The following PCCA variants were observed in gnomAD, a reference collection of about 807,000 sequenced individuals.
PCCA encodes the protein propionyl-CoA carboxylase subunit alpha.
Under a neutral mutation model 101.3 loss-of-function variants are expected in PCCA, and 74 were observed. The observed-to-expected ratio is 0.73, with a 90% CI of 0.61 to 0.89. The LOEUF (loss-of-function observed/expected upper bound fraction) is 0.89. Ranked by LOEUF, PCCA falls within the 40% of genes least tolerant of loss-of-function variation. The pLI, the probability that PCCA is intolerant of heterozygous loss-of-function variation, is 0.00. For missense variants in PCCA, 891 were observed against 907.0 expected (o/e 0.98, Z 0.23); for synonymous variants, 294 against 313.6 (o/e 0.94, Z 0.66).
chr13:100,240,151 A>G (rs1342651683), intron 8 of PCCA, among the ~76,000 whole-genome samples: 2 of 152,162 alleles, frequency 1.3e-5, no homozygotes, highest in African/African-American at 4.8e-5. Context: ...GAACAAGGAT[A>G]TATTTCATCT....
At chr13:100,264,058 TATAC>T in intron 10 of PCCA, among the ~76,000 whole-genome samples, 1 of 146,904 alleles carries the variant, frequency 6.8e-6, no homozygotes, top group Non-Finnish European at 1.5e-5. Flanking sequence ...ATATCGTATA[TATAC>T]GGTATCTGTA....
At chr13:100,191,019 C>T (rs891212882) in intron 6 of PCCA, among the ~76,000 whole-genome samples, 3 of 151,914 alleles carry the variant, frequency 2.0e-5, no homozygotes, top group Non-Finnish European at 4.4e-5. Flanking sequence ...ATGGCTTGAG[C>T]CCTAGGTGTC....
chr13:100,373,695 G>T (rs889867066), intron 19 of PCCA, among the ~76,000 whole-genome samples: 1 of 152,212 alleles, frequency 6.6e-6, no homozygotes, highest in Non-Finnish European at 1.5e-5. Context: ...GCAGGAAAAT[G>T]CAAATGTATT....
intron 21 of PCCA, among the ~76,000 whole-genome samples, chr13:100,457,035 A>AG (rs1311563254): frequency 6.6e-6 from 1 of 152,126 alleles, no homozygotes; most frequent in Non-Finnish European, 1.5e-5. Flanking sequence ...GGCGTGACAG[A>AG]GGGCTCACCT....
rs868560205 is a variant in PCCA, at chr13:100,506,177, T to C, written c.1900-9250T>C. 2.6e-5 allele frequency among the ~76,000 whole-genome samples: 4 copies of C among 152,078 alleles called. No homozygotes were observed. In the South Asian group the frequency reaches 6.2e-4, roughly 24 times the overall value. The stretch of plus-strand genomic sequence containing the variant: ...TGCCAGGACGGGGGCCACATCGCCC[T>C]GTCTCCCGATTTCTCCCATGGCTCT... On this transcript the variant is annotated intron_variant, in intron 21 of 23. Transcript: ENST00000376285.
intron 21 of PCCA, among the ~76,000 whole-genome samples, chr13:100,469,270 C>T (rs2082792746): frequency 6.9e-6 from 1 of 145,414 alleles, no homozygotes; most frequent in South Asian, 2.3e-4. Context: ...AAGAGGAAGG[C>T]TTATTAAGCC....
chr13:100,193,923 T>A (rs1300694845), intron 6 of PCCA, among the ~76,000 whole-genome samples: 1 of 151,986 alleles, frequency 6.6e-6, no homozygotes. Flanking sequence ...ACAAAAAAAT[T>A]ATCCTGGCGT....
At chr13:100,462,867 A>G (rs763526526) in intron 21 of PCCA, among the ~76,000 whole-genome samples, 2 of 152,230 alleles carry the variant, frequency 1.3e-5, no homozygotes, top group African/African-American at 4.8e-5. Context: ...TTACCGTGAT[A>G]AGAACGCTAA....
At chr13:100,402,288 G>A (rs1457337708) in intron 19 of PCCA, among the ~76,000 whole-genome samples, 1 of 151,332 alleles carries the variant, frequency 6.6e-6, no homozygotes, top group African/African-American at 2.4e-5. Context: ...CATGTTGTCA[G>A]TGGTCAACAA....
chr13:100,176,502 A>G (rs2056249924), intron 6 of PCCA, among the ~76,000 whole-genome samples: 1 of 152,186 alleles, frequency 6.6e-6, no homozygotes, highest in Non-Finnish European at 1.5e-5. Context: ...GTGTGTTTGT[A>G]TGATACATCT....
At chr13:100,261,191 C>G (rs577116839) in intron 9 of PCCA, among the ~76,000 whole-genome samples, 1 of 151,966 alleles carries the variant, frequency 6.6e-6, no homozygotes, top group South Asian at 2.1e-4. Flanking sequence ...CTTAAAGGAT[C>G]GGAAGAATTG....
chr13:100,157,399 A>G (rs1242256124), intron 6 of PCCA, 59 bp downstream of exon 6: 7 of 1,159,748 alleles, frequency 6.0e-6, no homozygotes, highest in African/African-American at 1.5e-5. Context: ...GTGTGGTAGC[A>G]TGGCTTTGTA....
intron 9 of PCCA, among the ~76,000 whole-genome samples, chr13:100,261,391 G>A (rs1283503465): frequency 1.3e-5 from 2 of 148,294 alleles, no homozygotes; most frequent in Non-Finnish European, 3.0e-5. Flanking sequence ...TTTTTGAGAT[G>A]GAGTCTCACT....
chr13:100,457,319 G>A (rs903784082), intron 21 of PCCA, among the ~76,000 whole-genome samples: 7 of 151,868 alleles, frequency 4.6e-5, no homozygotes, highest in Admixed American at 1.3e-4. Flanking sequence ...CACACGTTCT[G>A]ACTATGAGCT....
intron 7 of PCCA, among the ~76,000 whole-genome samples, chr13:100,222,312 GGTGATCCGCCCTCCTCAGCCTCCCAAA>G (rs1249317518): frequency 6.6e-6 from 1 of 151,988 alleles, no homozygotes; most frequent in Non-Finnish European, 1.5e-5. Context: ...CCTGAGCTTG[GGTGATCCGCCCTCCTCAGCCTCCCAAA>G]GTGTTGGGAT....
At chr13:100,460,768 T>G (rs2082114027) in intron 21 of PCCA, among the ~76,000 whole-genome samples, 1 of 152,220 alleles carries the variant, frequency 6.6e-6, no homozygotes, top group Non-Finnish European at 1.5e-5. Context: ...AAGTAAGCAC[T>G]TATGAAGTAA....
chr13:100,500,085 A>G (rs750855995), intron 21 of PCCA, among the ~76,000 whole-genome samples: 49 of 152,240 alleles, frequency 3.2e-4, no homozygotes, highest in Admixed American at 9.8e-4. Context: ...AATCTTACTT[A>G]CCACCCAGGA....
intron 21 of PCCA, among the ~76,000 whole-genome samples, chr13:100,472,215 A>T (rs1260570503): frequency 6.6e-6 from 1 of 152,000 alleles, no homozygotes; most frequent in Non-Finnish European, 1.5e-5. Flanking sequence ...CTTACTGCGC[A>T]TGTGTTAAGG....
At chr13:100,427,130 T>C (rs1254246383) in intron 20 of PCCA, among the ~76,000 whole-genome samples, 1 of 152,190 alleles carries the variant, frequency 6.6e-6, no homozygotes, top group African/African-American at 2.4e-5. Flanking sequence ...GGCAGGAGAA[T>C]CACTTGAATC....
Sources: gnomAD v4.1 joint callset for allele counts (sites outside exome capture counted in the v4.1 genomes callset) on GRCh38, gnomAD v4.1.1 for gene constraint, MANE v1.5 for transcripts, NCBI Gene and HGNC (gene_info 2026-07-23, HGNC 2026-07-21) for gene names.